The following SIPA1L3 variants were observed in gnomAD, a reference collection of about 807,000 sequenced individuals.
SIPA1L3 encodes the protein signal-induced proliferation-associated 1-like protein 3.
In SIPA1L3, 59 loss-of-function variants were observed where a neutral mutation model predicts 150.1. That is an observed-to-expected ratio of 0.39 (90% CI 0.32 to 0.49). SIPA1L3 has a LOEUF of 0.49. Among genes scored for constraint, SIPA1L3 ranks in the 20% least tolerant of loss-of-function variants. The pLI is 0.86. For synonymous variants in SIPA1L3, 1,070 were observed against 1,077.6 expected, an observed-to-expected ratio of 0.99 and a Z score of 0.14; for missense variants, 2,211 against 2,489.5, an observed-to-expected ratio of 0.89 and a Z score of 2.38.
In SIPA1L3 at chr19:38,141,301, C is replaced by T. The variant is rs746455853; in HGVS notation, c.3261C>T (p.Pro1087=). Residue 1087 remains proline (P), a synonymous_variant, in exon 11 of 22, where the codon CCC becomes CCT. Transcript: ENST00000222345. Reference sequence around the variant, plus strand: ...ATGCTCCCTGGCAGTGGAGCGGGCCCGCATCCCATAACTCTCTACCAGCCT... The same window carrying T: ...ATGCTCCCTGGCAGTGGAGCGGGCCTGCATCCCATAACTCTCTACCAGCCT... ...RSNAPWQWSG[P]ASHNSLPASK... 38 of 1,613,850 alleles carry T rather than the reference C, an allele frequency of 2.4e-5. 1 individual carries two copies. Among genetic ancestry groups the T allele is most frequent in the African/African-American group, 4.0e-5 (3 of 74,872 alleles).
intron 1 of SIPA1L3, among the ~76,000 whole-genome samples, chr19:37,991,869 C>T (rs1283128031): frequency 6.6e-6 from 1 of 152,184 alleles, no homozygotes; most frequent in Non-Finnish European, 1.5e-5. Context: ...GGCTTGGAGT[C>T]ACACTGCAGG....
At chr19:37,958,865 A>G (rs1465458788) in intron 1 of SIPA1L3, among the ~76,000 whole-genome samples, 4 of 152,262 alleles carry the variant, frequency 2.6e-5, no homozygotes, top group Non-Finnish European at 5.9e-5. Context: ...AATATAGAAC[A>G]TGGGCAAAGG....
At chr19:38,103,622 T>G (rs1232586166) in intron 6 of SIPA1L3, among the ~76,000 whole-genome samples, 1 of 132,458 alleles carries the variant, frequency 7.5e-6, no homozygotes, top group Non-Finnish European at 1.6e-5. Flanking sequence ...GAGCAAAACT[T>G]CATCTCAAAA....
At chr19:38,100,917 T>C in intron 5 of SIPA1L3, 135 bp from the exon 6 acceptor site, 1 of 978,486 alleles carries the variant, frequency 1.0e-6, no homozygotes. Context: ...TGTTTTCCCC[T>C]GTCTGGCTAT....
At chr19:38,021,845 G>T (rs139306460) in intron 1 of SIPA1L3, among the ~76,000 whole-genome samples, 9 of 152,012 alleles carry the variant, frequency 5.9e-5, no homozygotes, top group Admixed American at 5.2e-4. Context: ...TGCACCCCGC[G>T]TATGAATCCA....
At chr19:38,128,046 CTTTTTTTT>C (rs34053188) in intron 9 of SIPA1L3, among the ~76,000 whole-genome samples, 2 of 66,574 alleles carry the variant, frequency 3.0e-5, no homozygotes, top group East Asian at 6.7e-4. Context: ...CCTTGGGCCT[CTTTTTTTT>C]TTTTTTTTTT....
At chr19:38,140,520 C>T (rs185706250) in intron 10 of SIPA1L3, among the ~76,000 whole-genome samples, 65 of 152,272 alleles carry the variant, frequency 4.3e-4, no homozygotes, top group African/African-American at 1.6e-3. Flanking sequence ...GCCTTTCTGG[C>T]CCTGAGTACC....
At chr19:37,977,496 A>G (rs1248083151) in intron 1 of SIPA1L3, among the ~76,000 whole-genome samples, 4 of 152,146 alleles carry the variant, frequency 2.6e-5, no homozygotes, top group Non-Finnish European at 5.9e-5. Context: ...TGGCAGCTTG[A>G]AATTGAAATC....
At chr19:37,941,001 C>A (rs2046649586) in intron 1 of SIPA1L3, among the ~76,000 whole-genome samples, 1 of 150,864 alleles carries the variant, frequency 6.6e-6, no homozygotes, top group African/African-American at 2.4e-5. Context: ...TTAACTTATT[C>A]TTCTATCTCT....
At chr19:37,919,649 T>TC (rs1370171119) in intron 1 of SIPA1L3, among the ~76,000 whole-genome samples, 1 of 144,346 alleles carries the variant, frequency 6.9e-6, no homozygotes, top group Non-Finnish European at 1.5e-5. Context: ...ACACGTGGTC[T>TC]CCCCCTGTTT....
intron 4 of SIPA1L3, among the ~76,000 whole-genome samples, chr19:38,097,078 G>A (rs1215278072): frequency 1.3e-5 from 2 of 152,206 alleles, no homozygotes; most frequent in Admixed American, 1.3e-4. Context: ...GCTGGGCGCA[G>A]TGGCTCACAC....
chr19:38,192,181 A>G lies in SIPA1L3; in HGVS notation c.4467A>G (p.Gln1489=), dbSNP rs762811865. The part of the protein sequence containing the change: ...VDTNTKNVFG[Q]PRLRASLRDL... ...CGAACACCAAAAATGTCTTTGGGCAACCGAGGTTGAGGGCATCCCTCCGAG... is the reference window on the plus strand; with the variant it reads ...CGAACACCAAAAATGTCTTTGGGCAGCCGAGGTTGAGGGCATCCCTCCGAG... The change falls in exon 17 of 22, where the codon CAA becomes CAG. Residue 1489 remains glutamine (Q), a synonymous_variant. Coordinates refer to ENST00000222345, the MANE Select transcript of SIPA1L3 (RefSeq NM_015073.3). 6.2e-7 allele frequency: 1 copy of G among 1,612,256 alleles called. No individual in the cohort carries two copies. The highest frequency in any genetic ancestry group is 1.1e-5 in the South Asian group (1 of 90,966).
rs968915415 is a variant in SIPA1L3, at chr19:37,918,320, C to T, written c.-379+10962C>T. 5.9e-5 allele frequency among the ~76,000 whole-genome samples: 9 copies of T among 151,604 alleles called. No individual in the cohort carries two copies. The East Asian group carries it at 8.1e-4, about 14-fold the overall frequency. ...CTGTCACCAGGCTGGAGTGCAGTGG[C>T]GCGATCTTGGCTCACTACAACCTCC... On this transcript the variant is annotated intron_variant, in intron 1 of 21. Coordinates refer to ENST00000222345, the MANE Select transcript of SIPA1L3 (RefSeq NM_015073.3).
intron 1 of SIPA1L3, among the ~76,000 whole-genome samples, chr19:38,007,451 CAAA>C (rs1302582305): frequency 4.2e-5 from 1 of 23,872 alleles, no homozygotes; most frequent in African/African-American, 2.9e-4. Context: ...AACTCTGTCT[CAAA>C]AAAAAAAAAA....
rs1438891552 is a variant in SIPA1L3, at chr19:38,081,701, A to G, written c.136A>G (p.Met46Val). ...PLGFWAQNGS[M>V]SQPLGESPAT... Reference sequence around the variant, plus strand: ...GGGATTCTGGGCCCAGAATGGCAGCATGTCCCAGCCTCTTGGCGAGAGCCC... The same window carrying G: ...GGGATTCTGGGCCCAGAATGGCAGCGTGTCCCAGCCTCTTGGCGAGAGCCC... Residue 46 changes from methionine (M) to valine (V), a missense_variant, in exon 3 of 22, where the codon ATG becomes GTG. This residue lies in a region of SIPA1L3 where 130 missense variants were observed against 174.5 expected (regional missense o/e 0.74). Transcript: ENST00000222345. 3 of 1,611,028 alleles carry G rather than the reference A, an allele frequency of 1.9e-6. No individual in the cohort carries two copies. Among genetic ancestry groups the G allele is most frequent in the African/African-American group, 2.7e-5 (2 of 74,932 alleles).
intron 1 of SIPA1L3, among the ~76,000 whole-genome samples, chr19:37,982,256 G>T (rs954131553): frequency 6.6e-5 from 10 of 152,216 alleles, no homozygotes; most frequent in East Asian, 3.9e-4. Flanking sequence ...TTCAGGGCAG[G>T]TCTCTTTTAT....
At chr19:37,964,795 G>C (rs2046888762) in intron 1 of SIPA1L3, 1 of 152,116 alleles carries the variant, frequency 6.6e-6, no homozygotes. Flanking sequence ...ACCGCGCCCG[G>C]CCAGCATTTA....
At chr19:38,163,957 A>C (rs1972148628) in intron 14 of SIPA1L3, among the ~76,000 whole-genome samples, 1 of 152,168 alleles carries the variant, frequency 6.6e-6, no homozygotes, top group African/African-American at 2.4e-5. Context: ...AGGCTGCTGC[A>C]CTGGCCCCAG....
At chr19:38,130,366 C>T in intron 9 of SIPA1L3, 132 bp from the exon 10 acceptor site, 2 of 908,878 alleles carry the variant, frequency 2.2e-6, no homozygotes, top group Middle Eastern at 3.5e-4. Context: ...GGTCCCCTGC[C>T]ATCACCCGGG....
Sources: allele counts gnomAD v4.1 joint callset (sites outside exome capture counted in the v4.1 genomes callset), GRCh38; gene constraint gnomAD v4.1.1; regional missense constraint gnomAD v4.1.1; transcripts MANE v1.5; gene names NCBI Gene and HGNC (gene_info 2026-07-23, HGNC 2026-07-21).